Variants in STARD10 observed in about 807,000 individuals in gnomAD.
The protein encoded by STARD10 is StAR related lipid transfer domain containing 10.
A neutral mutation model predicts 36.0 loss-of-function variants in STARD10; 24 were observed. That is an observed-to-expected ratio of 0.67 (90% CI 0.48 to 0.94). The LOEUF (loss-of-function observed/expected upper bound fraction) is 0.94, where lower values mean the gene tolerates loss of function less well. Ranked by LOEUF, STARD10 falls within the 40% of genes least tolerant of loss-of-function variation. The pLI, the probability that STARD10 is intolerant of heterozygous loss-of-function variation, is 0.00. For synonymous variants in STARD10, 156 were observed against 161.9 expected (o/e 0.96, Z 0.28); for missense variants, 335 against 396.6 (o/e 0.84, Z 1.32).
chr11:72,758,684 A>AAGGGAGGGTGTGGCAGAGGCCAGAG (rs1858679940), intron 3 of STARD10, 51 bp from the exon 4 acceptor site: 1 of 1,405,732 alleles, frequency 7.1e-7, no homozygotes, highest in Non-Finnish European at 1.0e-6. Context: ...ACCTGCCTAC[A>AAGGGAGGGTGTGGCAGAGGCCAGAG]AGGGAGGGTG....
At position 72,781,304 on chromosome 11, in the gene STARD10, C is replaced by A; in HGVS notation, c.-113-10G>T. On this transcript the variant is annotated splice_polypyrimidine_tract_variant and intron_variant, in intron 1 of 6. Coordinates refer to ENST00000334805, the MANE Select transcript of STARD10 (RefSeq NM_006645.3). This position sits in a 1 kb window ranked among gnomAD's most constrained non-coding sequence, Gnocchi z 4.7. ...GCCACCTTCCTGGGACCTGCAAGAC[C>A]GGTTTGGGGACGGGAATCAGTGCGC... The A allele has an allele frequency of 4.9e-6, 4 of 810,008 alleles. No individual in the cohort carries two copies. In the South Asian group the frequency reaches 5.1e-5, roughly 10 times the overall value. 50.2% of individuals were successfully genotyped at this position (810,008 alleles called of 1,614,324 possible).
intron 2 of STARD10, among the ~76,000 whole-genome samples, chr11:72,765,744 G>A (rs1858779267): frequency 1.3e-5 from 2 of 151,642 alleles, no homozygotes; most frequent in Admixed American, 1.3e-4. Flanking sequence ...GCCGAGGCGG[G>A]TGGATCATTT....
chr11:72,763,729 A>G (rs1858750852), intron 2 of STARD10, among the ~76,000 whole-genome samples: 1 of 152,194 alleles, frequency 6.6e-6, no homozygotes, highest in South Asian at 2.1e-4. Context: ...CGCGATGGTG[A>G]GAAAGGGGGT....
intron 2 of STARD10, among the ~76,000 whole-genome samples, chr11:72,772,086 C>T (rs1176941350): frequency 3.9e-5 from 6 of 152,262 alleles, no homozygotes; most frequent in Admixed American, 6.5e-5. Flanking sequence ...GGATGTCTCC[C>T]GCTCCCCATG....
At chr11:72,775,027 G>C (rs1858912591) in intron 2 of STARD10, among the ~76,000 whole-genome samples, 1 of 152,194 alleles carries the variant, frequency 6.6e-6, no homozygotes, top group African/African-American at 2.4e-5. Context: ...GGCTTCTCTA[G>C]TCCCAGCAGG....
At chr11:72,780,464 CAGGG>C (rs1290550783) in intron 2 of STARD10, 7 of 437,516 alleles carry the variant, frequency 1.6e-5, no homozygotes, top group Non-Finnish European at 2.8e-5. Context: ...AGGGAGCAGC[CAGGG>C]AGGGAGGGAA....
rs77354767 is a variant in STARD10 at position 72,768,230 on chromosome 11, C to A, written c.208-8849G>T. 7.2e-5 allele frequency among the ~76,000 whole-genome samples: 11 copies of A among 152,242 alleles called. No homozygotes were observed. The East Asian group carries it at 2.1e-3, about 29-fold the overall frequency. ...CCTGGCCCACAGTACACAGCAGGTC[C>A]GAGCCCCAGCGCCAGTGCCCCTCTG... On this transcript the variant is annotated intron_variant, in intron 2 of 6. Coordinates refer to ENST00000334805, the MANE Select transcript of STARD10 (RefSeq NM_006645.3).
intron 2 of STARD10, among the ~76,000 whole-genome samples, chr11:72,768,664 CT>C (rs1280545374): frequency 2.0e-5 from 3 of 152,250 alleles, no homozygotes; most frequent in African/African-American, 7.2e-5. Context: ...TGGCTGCCCC[CT>C]GTCCAGGCAG....
At chr11:72,780,195 G>A (rs1252242182) in intron 2 of STARD10, 3 of 445,546 alleles carry the variant, frequency 6.7e-6, no homozygotes, top group Non-Finnish European at 1.4e-5. Context: ...TGGTCCCCTG[G>A]GGGATATGCG....
intron 2 of STARD10, among the ~76,000 whole-genome samples, chr11:72,767,373 C>A (rs998376889): frequency 2.0e-5 from 3 of 152,190 alleles, no homozygotes; most frequent in African/African-American, 7.2e-5. Context: ...ACCCTTCCAA[C>A]ACCCCAGAAG....
At chr11:72,770,521 CT>C (rs1414983867) in intron 2 of STARD10, among the ~76,000 whole-genome samples, 2 of 152,182 alleles carry the variant, frequency 1.3e-5, no homozygotes, top group Admixed American at 1.3e-4. Flanking sequence ...CCCAGCCTTA[CT>C]TTTTTTCTTC....
chr11:72,769,428 T>C (rs186868892), intron 2 of STARD10, among the ~76,000 whole-genome samples: 13 of 152,308 alleles, frequency 8.5e-5, no homozygotes, highest in Non-Finnish European at 1.8e-4. Flanking sequence ...GAAATTTCTC[T>C]TTCTTTCTTG....
At chr11:72,768,672 G>A (rs1858822344) in intron 2 of STARD10, among the ~76,000 whole-genome samples, 1 of 152,222 alleles carries the variant, frequency 6.6e-6, no homozygotes, top group East Asian at 1.9e-4. Context: ...CCCTGTCCAG[G>A]CAGCCTGCCC....
At chr11:72,788,536 A>T (rs934409476) in intron 1 of STARD10, among the ~76,000 whole-genome samples, 1 of 151,522 alleles carries the variant, frequency 6.6e-6, no homozygotes, top group Non-Finnish European at 1.5e-5. Flanking sequence ...GGATGTACTT[A>T]TAGTAAAAAT....
At chr11:72,780,292 A>G in intron 2 of STARD10, 1 of 390,684 alleles carries the variant, frequency 2.6e-6, no homozygotes, top group South Asian at 1.7e-5. Flanking sequence ...GATGGCTGTG[A>G]GCGACTGATG....
chr11:72,778,453 G>A (rs764642277), intron 2 of STARD10, among the ~76,000 whole-genome samples: 4 of 152,204 alleles, frequency 2.6e-5, no homozygotes, highest in Non-Finnish European at 5.9e-5. Context: ...TGCAATCTTG[G>A]GGATGGGAAG....
intron 2 of STARD10, among the ~76,000 whole-genome samples, chr11:72,766,740 G>A (rs1412621450): frequency 2.6e-5 from 4 of 152,200 alleles, no homozygotes; most frequent in Non-Finnish European, 5.9e-5. Context: ...TGGTCGACCT[G>A]AGATGGGAAA....
intron 1 of STARD10, among the ~76,000 whole-genome samples, chr11:72,785,479 T>G (rs1402254392): frequency 6.7e-6 from 1 of 149,158 alleles, no homozygotes; most frequent in Non-Finnish European, 1.5e-5. Flanking sequence ...GAAAATCGCT[T>G]GAACCTGGGA....
intron 2 of STARD10, among the ~76,000 whole-genome samples, chr11:72,776,652 A>G (rs1157619366): frequency 6.6e-6 from 1 of 152,010 alleles, no homozygotes. Flanking sequence ...TCCTGCTCTG[A>G]GCCTCAGTTT....
Sources: gnomAD v4.1 joint callset for allele counts (sites outside exome capture counted in the v4.1 genomes callset) on GRCh38, gnomAD v4.1.1 for gene constraint, Gnocchi (gnomAD v3.1) non-coding constraint, MANE v1.5 for transcripts, NCBI Gene and HGNC (gene_info 2026-07-23, HGNC 2026-07-21) for gene names.